VPS13A: variants seen among roughly 807,000 people sequenced by gnomAD.
VPS13A encodes intermembrane lipid transfer protein VPS13A.
In VPS13A, 264 loss-of-function variants were observed where a neutral mutation model predicts 390.9. The ratio of observed to expected loss-of-function variants is 0.68; its 90% CI spans 0.61 to 0.75. The LOEUF (loss-of-function observed/expected upper bound fraction) is 0.75. VPS13A is among the 30% of genes least tolerant of loss of function. The pLI, the probability that VPS13A is intolerant of heterozygous loss-of-function variation, is 0.00. For synonymous variants in VPS13A, 1,231 were observed against 1,227.1 expected (o/e 1.00, Z -0.07); for missense variants, 3,409 against 3,733.9 (o/e 0.91, Z 2.27).
At chr9:77,304,875 ATTTC>A (rs752753843) in intron 34 of VPS13A, among the ~76,000 whole-genome samples, 3 of 151,320 alleles carry the variant, frequency 2.0e-5, no homozygotes, top group East Asian at 1.9e-4. Context: ...TTCCCTTTCT[ATTTC>A]TTTCTGTAAA....
intron 32 of VPS13A, among the ~76,000 whole-genome samples, chr9:77,294,722 A>G (rs1827873907): frequency 6.6e-6 from 1 of 152,134 alleles, no homozygotes; most frequent in Non-Finnish European, 1.5e-5. Flanking sequence ...AAAAAAAATT[A>G]GAGTTGGGTT....
chr9:77,264,108 G>A (rs1452413454), intron 23 of VPS13A, among the ~76,000 whole-genome samples: 1 of 152,126 alleles, frequency 6.6e-6, no homozygotes, highest in Non-Finnish European at 1.5e-5. Context: ...GGTTCTAGAT[G>A]TGTGGTGTTA....
intron 67 of VPS13A, among the ~76,000 whole-genome samples, chr9:77,374,342 T>C (rs1260034621): frequency 6.6e-6 from 1 of 152,166 alleles, no homozygotes; most frequent in East Asian, 1.9e-4. Flanking sequence ...AACAATATAC[T>C]GTAATGAAAG....
intron 19 of VPS13A, among the ~76,000 whole-genome samples, chr9:77,239,858 A>G (rs996277707): frequency 5.3e-4 from 80 of 151,986 alleles, no homozygotes; most frequent in Admixed American, 2.5e-3. Context: ...GAAGTTAAAT[A>G]TTCTCTATCT....
At chr9:77,326,935 A>G (rs12001097) in intron 45 of VPS13A, among the ~76,000 whole-genome samples, 3,235 of 152,218 alleles carry the variant, frequency 0.021, 87 homozygotes, top group African/African-American at 0.06. Flanking sequence ...TTCTGTCCGT[A>G]CAGCTCTTGC....
chr9:77,389,308 CTT>C (rs57239835), intron 68 of VPS13A, among the ~76,000 whole-genome samples: 78 of 137,614 alleles, frequency 5.7e-4, no homozygotes, highest in Non-Finnish European at 5.2e-4. Context: ...AAGCAGAACT[CTT>C]TTTTTTTTTT....
intron 35 of VPS13A, among the ~76,000 whole-genome samples, chr9:77,309,773 T>C (rs1220191160): frequency 1.3e-5 from 2 of 152,042 alleles, no homozygotes; most frequent in African/African-American, 2.4e-5. Context: ...TTAGCTATAA[T>C]GAATCTACTG....
chr9:77,282,413 A>T, intron 29 of VPS13A, 139 bp downstream of exon 29: 1 of 764,728 alleles, frequency 1.3e-6, no homozygotes, highest in East Asian at 2.8e-5. Context: ...AGAAGGATTC[A>T]TTATATGCCA....
At position 77,238,345 on chromosome 9, in the gene VPS13A, C is replaced by G; in HGVS notation, c.1859C>G (p.Thr620Ser). Reference protein sequence around the residue: ...EVHLAQLTAATLTKLEEFRSK... With the variant: ...EVHLAQLTAASLTKLEEFRSK... Reference sequence around the variant, plus strand: ...CATCTAGCACAGCTCACTGCAGCAACTTTGACAAAACTGGAAGAATTTCGC... The same window carrying G: ...CATCTAGCACAGCTCACTGCAGCAAGTTTGACAAAACTGGAAGAATTTCGC... Residue 620 changes from threonine (T) to serine (S), a missense_variant, in exon 19 of 72, where the codon ACT becomes AGT. Around this residue, in one of 5 missense-constraint regions of VPS13A, gnomAD observed 2,717 missense variants for 2,917.4 expected, o/e 0.93. Coordinates refer to ENST00000360280, the MANE Select transcript of VPS13A (RefSeq NM_033305.3). 1 of 1,613,992 alleles carries G rather than the reference C, an allele frequency of 6.2e-7. No homozygotes were observed. The highest frequency in any genetic ancestry group is 8.5e-7 in the Non-Finnish European group (1 of 1,179,960).
rs1366758242 is a variant in VPS13A at position 77,384,654 on chromosome 9, G to T, written c.9189+2567G>T. 11 of 1,606,854 alleles carry T rather than the reference G, an allele frequency of 6.8e-6. No homozygotes were observed. In the Admixed American group the frequency reaches 1.7e-4, roughly 24 times the overall value. On this transcript the variant is annotated intron_variant, in intron 68 of 71. Transcript: ENST00000360280. ...TAGTGATGATGATGATGATGATGAT[G>T]ATGATGATGAGTCAGATCTAAACCA... is the stretch of plus-strand genomic sequence containing the variant.
Position 77,321,604 on chromosome 9 carries a change from T to C in VPS13A, c.5688T>C (p.Phe1896=). ...LTISVSPSDS[F]SVLNIPMAKS... is the part of the protein sequence containing the mutation. ...TTTCTGTTTCGCCAAGTGATTCTTTTAGTGTACTCAACATTCCTATGGCAA... is the reference window on the plus strand; with the variant it reads ...TTTCTGTTTCGCCAAGTGATTCTTTCAGTGTACTCAACATTCCTATGGCAA... The change falls in exon 44 of 72, where the codon TTT becomes TTC. Residue 1896 remains phenylalanine, a synonymous_variant. Coordinates refer to ENST00000360280, the MANE Select transcript of VPS13A (RefSeq NM_033305.3). The C allele has an allele frequency of 6.2e-7, 1 of 1,613,492 alleles. No homozygotes were observed. Among genetic ancestry groups the C allele is most frequent in the South Asian group, 1.1e-5 (1 of 91,058 alleles).
intron 57 of VPS13A, among the ~76,000 whole-genome samples, chr9:77,359,039 G>T (rs556866637): frequency 1.2e-4 from 19 of 152,122 alleles, no homozygotes; most frequent in Admixed American, 1.2e-3. Context: ...CCACCTAGAG[G>T]TCTGGAGCAA....
intron 52 of VPS13A, 125 bp from the exon 53 acceptor site, chr9:77,351,192 T>G: frequency 7.7e-7 from 1 of 1,299,892 alleles, no homozygotes; most frequent in Non-Finnish European, 1.1e-6. Context: ...AATTTCAGCC[T>G]TGTTTTAATC....
intron 57 of VPS13A, 39 bp from the exon 58 acceptor site, chr9:77,359,294 A>C (rs376620167): frequency 1.3e-5 from 20 of 1,570,024 alleles, no homozygotes; most frequent in Non-Finnish European, 1.7e-5. Context: ...GCTTTTGCTT[A>C]AAGCATCATG....
chr9:77,187,218 G>A (rs1211509420), intron 1 of VPS13A, among the ~76,000 whole-genome samples: 1 of 152,138 alleles, frequency 6.6e-6, no homozygotes, highest in East Asian at 1.9e-4. Context: ...AGTTCAGTCT[G>A]TGCTGTCAGA....
intron 47 of VPS13A, chr9:77,337,829 G>A (rs939608940): frequency 3.8e-6 from 1 of 260,978 alleles, no homozygotes; most frequent in Non-Finnish European, 7.1e-6. Flanking sequence ...TTCATACTCT[G>A]TGTGGTTTCT....
intron 5 of VPS13A, among the ~76,000 whole-genome samples, chr9:77,207,278 T>G (rs1450150179): frequency 7.5e-6 from 1 of 133,196 alleles, no homozygotes; most frequent in Non-Finnish European, 1.6e-5. Context: ...TAACATAACA[T>G]GCATATTATC....
Position 77,318,565 on chromosome 9 carries a change from A to C in VPS13A, c.5287A>C (p.Asn1763His), listed in dbSNP as rs1829540826. The C allele has an allele frequency of 1.2e-6, 2 of 1,613,800 alleles. No homozygotes were observed. The highest frequency in any genetic ancestry group is 1.7e-6 in the Non-Finnish European group (2 of 1,179,846). ...AGGCAAAAACTGGAGTTCCCTAATAAATCTGCACTGTCAGCTTGAGCTAGA... is the reference window on the plus strand; with the variant it reads ...AGGCAAAAACTGGAGTTCCCTAATACATCTGCACTGTCAGCTTGAGCTAGA... ...GEGKNWSSLI[N>H]LHCQLELEVH... is the part of the protein sequence containing the mutation. Residue 1763 changes from asparagine to histidine, a missense_variant, in exon 41 of 72, where the codon AAT becomes CAT. By Grantham distance (68) the Asn-to-His change is moderately conservative (BLOSUM62 1). Around this residue, in one of 5 missense-constraint regions of VPS13A, gnomAD observed 2,717 missense variants for 2,917.4 expected, o/e 0.93. Transcript: ENST00000360280.
intron 3 of VPS13A, among the ~76,000 whole-genome samples, chr9:77,202,541 T>G (rs369652315): frequency 2.4e-4 from 36 of 152,162 alleles, no homozygotes; most frequent in African/African-American, 7.2e-4. Context: ...GTAGAATAAT[T>G]TTATTTTTCC....
Sources: allele counts gnomAD v4.1 joint callset (sites outside exome capture counted in the v4.1 genomes callset), GRCh38; gene constraint gnomAD v4.1.1; regional missense constraint gnomAD v4.1.1; transcripts MANE v1.5; gene names NCBI Gene and HGNC (gene_info 2026-07-23, HGNC 2026-07-21).